PLCB1: variants seen among roughly 807,000 people sequenced by gnomAD.
PLCB1 encodes the protein phospholipase C beta 1, also known as 1-phosphatidylinositol 4,5-bisphosphate phosphodiesterase beta-1.
Under a neutral mutation model 161.8 loss-of-function variants are expected in PLCB1, and 46 were observed. The ratio of observed to expected loss-of-function variants is 0.28; its 90% CI spans 0.22 to 0.36. PLCB1 has a LOEUF of 0.36. Among genes scored for constraint, PLCB1 ranks in the 10% least tolerant of loss-of-function variants. The pLI, the probability that PLCB1 is intolerant of heterozygous loss-of-function variation, is 1.00. For missense variants in PLCB1, 1,016 were observed against 1,472.5 expected, an observed-to-expected ratio of 0.69 and a Z score of 5.07; for synonymous variants, 517 against 503.7, an observed-to-expected ratio of 1.03 and a Z score of -0.35.
chr20:8,701,818 T>C (rs1477360449), intron 11 of PLCB1, among the ~76,000 whole-genome samples: 1 of 152,206 alleles, frequency 6.6e-6, no homozygotes, highest in African/African-American at 2.4e-5. Flanking sequence ...CCTCTGCTCA[T>C]CAGATAAGTG....
chr20:8,215,576 C>A (rs1979076313), intron 2 of PLCB1, among the ~76,000 whole-genome samples: 1 of 151,962 alleles, frequency 6.6e-6, no homozygotes, highest in African/African-American at 2.4e-5. Flanking sequence ...AGAGAGTATG[C>A]AATTTGTTTG....
chr20:8,306,084 G>A (rs1013239837), intron 2 of PLCB1, among the ~76,000 whole-genome samples: 1 of 151,852 alleles, frequency 6.6e-6, no homozygotes, highest in Non-Finnish European at 1.5e-5. Flanking sequence ...GAATTGTTGG[G>A]ATTAATGCAT....
chr20:8,197,245 C>T (rs2052034631), intron 2 of PLCB1, among the ~76,000 whole-genome samples: 1 of 152,188 alleles, frequency 6.6e-6, no homozygotes, highest in African/African-American at 2.4e-5. Context: ...AATCGCCACA[C>T]TGTCTTCCAC....
intron 4 of PLCB1, among the ~76,000 whole-genome samples, chr20:8,643,660 C>T (rs1051970753): frequency 1.3e-4 from 20 of 152,096 alleles, no homozygotes; most frequent in African/African-American, 4.8e-4. Flanking sequence ...GAGGCTGAGG[C>T]GGGTGGATCA....
intron 3 of PLCB1, among the ~76,000 whole-genome samples, chr20:8,429,786 C>A (rs1055704194): frequency 6.6e-6 from 1 of 152,048 alleles, no homozygotes; most frequent in Non-Finnish European, 1.5e-5. Context: ...TGCACAGTCA[C>A]TTTAATCTTT....
intron 9 of PLCB1, among the ~76,000 whole-genome samples, chr20:8,672,894 T>G (rs966014240): frequency 6.6e-6 from 1 of 151,892 alleles, no homozygotes; most frequent in Non-Finnish European, 1.5e-5. Flanking sequence ...GGTGGATAAC[T>G]TGAGATCAGG....
intron 3 of PLCB1, among the ~76,000 whole-genome samples, chr20:8,450,295 T>A (rs1981014792): frequency 6.6e-6 from 1 of 152,200 alleles, no homozygotes; most frequent in African/African-American, 2.4e-5. Flanking sequence ...CAATACCTGA[T>A]ATTTAATTTG....
At chr20:8,180,041 G>T (rs1184809435) in intron 2 of PLCB1, among the ~76,000 whole-genome samples, 1 of 151,474 alleles carries the variant, frequency 6.6e-6, no homozygotes, top group African/African-American at 2.4e-5. Context: ...TGTATTTTTA[G>T]TGGAGATGGG....
chr20:8,832,256 G>A (rs1372660367), intron 31 of PLCB1, among the ~76,000 whole-genome samples: 2 of 152,128 alleles, frequency 1.3e-5, no homozygotes, highest in Non-Finnish European at 2.9e-5. Flanking sequence ...ATAAAATTTA[G>A]CATCTTAAAA....
intron 3 of PLCB1, among the ~76,000 whole-genome samples, chr20:8,454,783 C>T (rs1342291161): frequency 6.6e-6 from 1 of 152,200 alleles, no homozygotes; most frequent in Non-Finnish European, 1.5e-5. Flanking sequence ...TTCTCTGTTT[C>T]CCTGTCATGC....
chr20:8,188,007 C>G (rs889574549), intron 2 of PLCB1, among the ~76,000 whole-genome samples: 1 of 152,090 alleles, frequency 6.6e-6, no homozygotes, highest in Non-Finnish European at 1.5e-5. Flanking sequence ...TTATCTCTAG[C>G]TCTCTCATGC....
intron 2 of PLCB1, among the ~76,000 whole-genome samples, chr20:8,339,049 T>C (rs1237871119): frequency 1.3e-5 from 2 of 152,228 alleles, no homozygotes; most frequent in Non-Finnish European, 2.9e-5. Context: ...TACTGTCCAG[T>C]TGATGGACAT....
At chr20:8,451,466 G>A (rs1049304268) in intron 3 of PLCB1, among the ~76,000 whole-genome samples, 6 of 152,012 alleles carry the variant, frequency 3.9e-5, no homozygotes, top group Admixed American at 2.6e-4. Context: ...TCATGCCTCC[G>A]CCTACTGAGT....
intron 3 of PLCB1, among the ~76,000 whole-genome samples, chr20:8,454,829 A>G (rs1396746498): frequency 2.0e-5 from 3 of 152,142 alleles, no homozygotes; most frequent in Non-Finnish European, 4.4e-5. Context: ...CCCATCTAAC[A>G]TATTATATAT....
intron 3 of PLCB1, among the ~76,000 whole-genome samples, chr20:8,600,175 T>C (rs1215516477): frequency 2.2e-5 from 3 of 137,452 alleles, no homozygotes; most frequent in Non-Finnish European, 4.7e-5. Context: ...GGAGAGGCGC[T>C]CTGCGTTTTA....
intron 31 of PLCB1, among the ~76,000 whole-genome samples, chr20:8,840,333 C>CA (rs1158061920): frequency 1.3e-5 from 2 of 152,180 alleles, no homozygotes; most frequent in African/African-American, 4.8e-5. Flanking sequence ...TTAGTAATCT[C>CA]ACTAGGGCAA....
At chr20:8,543,575 A>G (rs1015549211) in intron 3 of PLCB1, among the ~76,000 whole-genome samples, 1 of 151,350 alleles carries the variant, frequency 6.6e-6, no homozygotes, top group Non-Finnish European at 1.5e-5. Flanking sequence ...TGGTGCACTT[A>G]GAATGAATGC....
chr20:8,276,251 T>G (rs1307329255), intron 2 of PLCB1, among the ~76,000 whole-genome samples: 1 of 152,214 alleles, frequency 6.6e-6, no homozygotes, highest in Non-Finnish European at 1.5e-5. Flanking sequence ...ACATCTCCAG[T>G]TAAAAAGCTA....
intron 3 of PLCB1, among the ~76,000 whole-genome samples, chr20:8,571,842 G>A (rs924912770): frequency 1.3e-5 from 2 of 152,146 alleles, no homozygotes; most frequent in African/African-American, 4.8e-5. Context: ...GTGTCTGTTA[G>A]TCATTAGGGC....
Sources: allele counts gnomAD v4.1 joint callset (sites outside exome capture counted in the v4.1 genomes callset), GRCh38; gene constraint gnomAD v4.1.1; transcripts MANE v1.5; gene names NCBI Gene and HGNC (gene_info 2026-07-23, HGNC 2026-07-21).